The following PRKCE variants were observed in gnomAD, a reference collection of about 807,000 sequenced individuals.
PRKCE encodes protein kinase C epsilon.
A neutral mutation model predicts 85.4 loss-of-function variants in PRKCE; 16 were observed. The observed-to-expected ratio is 0.19, with a 90% CI of 0.13 to 0.28. PRKCE has a LOEUF of 0.28. Among genes scored for constraint, PRKCE ranks in the 10% least tolerant of loss-of-function variants. The pLI is 1.00. For missense variants in PRKCE, 573 were observed against 975.2 expected (o/e 0.59, Z 5.49); for synonymous variants, 388 against 371.5 (o/e 1.04, Z -0.51).
At chr2:45,820,195 T>A (rs932804666) in intron 1 of PRKCE, among the ~76,000 whole-genome samples, 1 of 152,146 alleles carries the variant, frequency 6.6e-6, no homozygotes, top group Non-Finnish European at 1.5e-5. Flanking sequence ...CAAGAGTTTA[T>A]TAAGCACCTT....
At chr2:45,815,420 C>A (rs1359701803) in intron 1 of PRKCE, among the ~76,000 whole-genome samples, 2 of 152,154 alleles carry the variant, frequency 1.3e-5, no homozygotes, top group Non-Finnish European at 2.9e-5. Flanking sequence ...CCAGCCTACG[C>A]CATTCTCTCC....
chr2:46,182,427 A>G (rs1018552139), intron 14 of PRKCE, among the ~76,000 whole-genome samples: 4 of 151,980 alleles, frequency 2.6e-5, no homozygotes, highest in African/African-American at 9.7e-5. Flanking sequence ...GGGAGAACAG[A>G]TGGTCCTCCT....
chr2:45,780,645 G>A (rs1238384686), intron 1 of PRKCE, among the ~76,000 whole-genome samples: 1 of 152,176 alleles, frequency 6.6e-6, no homozygotes, highest in Non-Finnish European at 1.5e-5. Context: ...CCTCTGTAGG[G>A]TTGGCCTCAG....
At chr2:45,681,560 C>T (rs751441038) in intron 1 of PRKCE, among the ~76,000 whole-genome samples, 1 of 152,168 alleles carries the variant, frequency 6.6e-6, no homozygotes, top group African/African-American at 2.4e-5. Flanking sequence ...GTGCTTCCAC[C>T]TGTGATTAAT....
intron 2 of PRKCE, among the ~76,000 whole-genome samples, chr2:45,958,769 T>C (rs1235293375): frequency 2.3e-5 from 3 of 132,132 alleles, no homozygotes; most frequent in Admixed American, 8.3e-5. Flanking sequence ...ACACCATTTT[T>C]CCCTTCCTCT....
intron 14 of PRKCE, among the ~76,000 whole-genome samples, chr2:46,170,690 G>A (rs1386574560): frequency 6.6e-6 from 1 of 152,192 alleles, no homozygotes. Context: ...GGAATTTGGG[G>A]TCATAAGATC....
intron 10 of PRKCE, chr2:46,011,015 G>T (rs780881867): frequency 1.0e-4 from 127 of 1,222,174 alleles, no homozygotes; most frequent in Non-Finnish European, 1.3e-4. Context: ...TTAATTTACC[G>T]CATAGGTGTC....
At chr2:45,755,487 CT>C (rs1385338275) in intron 1 of PRKCE, among the ~76,000 whole-genome samples, 2 of 152,182 alleles carry the variant, frequency 1.3e-5, no homozygotes, top group African/African-American at 4.8e-5. Flanking sequence ...CTGCTAATGG[CT>C]GCTGTTTTGC....
intron 1 of PRKCE, among the ~76,000 whole-genome samples, chr2:45,788,226 C>T (rs1017936375): frequency 7.9e-5 from 12 of 152,200 alleles, no homozygotes; most frequent in African/African-American, 2.9e-4. Context: ...CCTTAAACTA[C>T]ACTTACCTTT....
At chr2:45,955,799 A>G (rs1700933222) in intron 2 of PRKCE, among the ~76,000 whole-genome samples, 1 of 101,756 alleles carries the variant, frequency 9.8e-6, no homozygotes, top group Non-Finnish European at 2.1e-5. Context: ...CCTCTATTTA[A>G]AAAAAAAACA....
intron 6 of PRKCE, among the ~76,000 whole-genome samples, chr2:45,990,760 C>T (rs981963605): frequency 5.3e-5 from 8 of 151,328 alleles, no homozygotes; most frequent in African/African-American, 1.9e-4. Context: ...CTCCCAGGTT[C>T]AAGCAATTCT....
intron 10 of PRKCE, among the ~76,000 whole-genome samples, chr2:46,036,914 A>C (rs1707899304): frequency 6.6e-6 from 1 of 152,196 alleles, no homozygotes; most frequent in African/African-American, 2.4e-5. Flanking sequence ...TTGTAAAACC[A>C]GTGGAAGCCT....
intron 11 of PRKCE, among the ~76,000 whole-genome samples, chr2:46,132,702 A>G (rs1415256986): frequency 6.6e-6 from 1 of 152,238 alleles, no homozygotes; most frequent in African/African-American, 2.4e-5. Flanking sequence ...GCATATATGC[A>G]CACGTGCGCG....
At chr2:45,680,354 C>A (rs1024967498) in intron 1 of PRKCE, among the ~76,000 whole-genome samples, 2 of 152,174 alleles carry the variant, frequency 1.3e-5, no homozygotes, top group African/African-American at 4.8e-5. Flanking sequence ...CTGTGTGCCC[C>A]CTTCTTTCCC....
chr2:46,076,345 A>G (rs1668559424), intron 10 of PRKCE, among the ~76,000 whole-genome samples: 1 of 152,244 alleles, frequency 6.6e-6, no homozygotes, highest in Non-Finnish European at 1.5e-5. Context: ...CCCCTGGAAA[A>G]GGAAAGTGTT....
Position 45,652,367 on chromosome 2 carries a change from A to G in PRKCE, c.267A>G (p.Ile89Met). 1 of 1,613,422 alleles carries G rather than the reference A, an allele frequency of 6.2e-7. No homozygotes were observed. Among genetic ancestry groups the G allele is most frequent in the Non-Finnish European group, 8.5e-7 (1 of 1,180,010 alleles). Reference protein sequence around the residue: ...IELAVFHDAPIGYDDFVANCT... With the variant: ...IELAVFHDAPMGYDDFVANCT... ...TGGCTGTCTTTCACGATGCCCCCATAGGCTACGACGACTTCGTGGCCAACT... is the reference window on the plus strand; with the variant it reads ...TGGCTGTCTTTCACGATGCCCCCATGGGCTACGACGACTTCGTGGCCAACT... The change falls in exon 1 of 15, where the codon ATA becomes ATG. Residue 89 changes from isoleucine to methionine, a missense_variant. Around this residue, in one of 11 missense-constraint regions of PRKCE, gnomAD observed 100 missense variants for 177.1 expected, o/e 0.56. Transcript: ENST00000306156. The surrounding 1 kb of genome is among the most constrained non-coding windows in gnomAD (Gnocchi z 7.7).
intron 1 of PRKCE, among the ~76,000 whole-genome samples, chr2:45,768,604 C>T (rs1000728694): frequency 6.6e-6 from 1 of 152,158 alleles, no homozygotes; most frequent in Admixed American, 6.5e-5. Flanking sequence ...TGCTCTTTTC[C>T]TTCTCACCTG....
intron 10 of PRKCE, among the ~76,000 whole-genome samples, chr2:46,085,234 G>A (rs1373533699): frequency 1.3e-5 from 2 of 152,216 alleles, no homozygotes; most frequent in East Asian, 3.9e-4. Context: ...ACTGTGGTTT[G>A]GCCGTTCTGA....
intron 11 of PRKCE, among the ~76,000 whole-genome samples, chr2:46,093,323 A>G (rs999839033): frequency 6.6e-6 from 1 of 152,176 alleles, no homozygotes; most frequent in Non-Finnish European, 1.5e-5. Flanking sequence ...GAGATAGTAT[A>G]AAGCTTAGAT....
Sources: allele counts gnomAD v4.1 joint callset (sites outside exome capture counted in the v4.1 genomes callset), GRCh38; gene constraint gnomAD v4.1.1; regional missense constraint gnomAD v4.1.1; non-coding constraint Gnocchi (gnomAD v3.1); transcripts MANE v1.5; gene names NCBI Gene and HGNC (gene_info 2026-07-23, HGNC 2026-07-21).